The following FOLH1 variants were observed in gnomAD, a reference collection of about 807,000 sequenced individuals.
The protein encoded by FOLH1 is folate hydrolase 1.
FOLH1 carries 54 observed loss-of-function variants against 93.9 expected under a neutral mutation model. The ratio of observed to expected loss-of-function variants is 0.57; its 90% CI spans 0.46 to 0.72. The LOEUF (loss-of-function observed/expected upper bound fraction) is 0.72. Among genes scored for constraint, FOLH1 ranks in the 30% least tolerant of loss-of-function variants. The pLI is 0.00. For missense variants in FOLH1, 571 were observed against 892.5 expected, an observed-to-expected ratio of 0.64 and a Z score of 4.59; for synonymous variants, 249 against 303.6, an observed-to-expected ratio of 0.82 and a Z score of 1.87.
At chr11:49,160,981 C>A (rs551280823) in intron 13 of FOLH1, among the ~76,000 whole-genome samples, 1 of 152,104 alleles carries the variant, frequency 6.6e-6, no homozygotes, top group East Asian at 1.9e-4. Context: ...TGAATTTGCA[C>A]GGCAGTACAA....
intron 17 of FOLH1, among the ~76,000 whole-genome samples, chr11:49,151,677 T>C (rs1346344216): frequency 6.6e-6 from 1 of 152,140 alleles, no homozygotes; most frequent in Non-Finnish European, 1.5e-5. Flanking sequence ...ATCTTTACTA[T>C]CACTTACAGA....
Position 49,208,385 on chromosome 11 carries a change from C to G in FOLH1, c.25G>C (p.Asp9His). The stretch of plus-strand genomic sequence containing the variant: ...CGGCGCGCGGTGGCCACAGCCGAGT[C>G]GGTTTCGTGAAGGAGATTCCACATC... MWNLLHET[D>H]SAVATARRPR... is the part of the protein sequence containing the mutation. The change falls in exon 1 of 19, where the codon GAC (aspartate) becomes CAC (histidine). Residue 9 changes from aspartate to histidine, a missense_variant. Physicochemically the swap from Asp to His is moderately conservative, Grantham distance 81. Around this residue, in one of 2 missense-constraint regions of FOLH1, gnomAD observed 71 missense variants for 69.6 expected, o/e 1.02. Transcript: ENST00000256999. 1 of 1,603,390 alleles carries G rather than the reference C, an allele frequency of 6.2e-7. No homozygotes were observed. Among genetic ancestry groups the G allele is most frequent in the South Asian group, 1.1e-5 (1 of 90,048 alleles).
rs541137826 is a variant in FOLH1 at position 49,173,570 on chromosome 11, C to T, written c.1106-94G>A. The T allele has an allele frequency of 2.1e-4, 178 of 837,012 alleles. 2 individuals carry two copies. In the African/African-American group the frequency reaches 4.3e-3, roughly 20 times the overall value. 51.8% of individuals were successfully genotyped at this position (837,012 alleles called of 1,614,324 possible). A position where few individuals can be genotyped will look rare whatever the true frequency, so the allele number is the denominator to read the frequency against. On this transcript the variant is annotated intron_variant, in intron 9 of 18. Transcript: ENST00000256999. ...ATAGCATCTAAATACAAAGCACTCACGCCTCAGAAAAAAAAAAAAGGCTAG... is the reference window on the plus strand; with the variant it reads ...ATAGCATCTAAATACAAAGCACTCATGCCTCAGAAAAAAAAAAAAGGCTAG...
chr11:49,171,418 A>C (rs1859268178), intron 10 of FOLH1, 141 bp from the exon 11 acceptor site: 2 of 1,190,938 alleles, frequency 1.7e-6, no homozygotes, highest in Non-Finnish European at 2.3e-6. Context: ...ATCTTTACTT[A>C]CGTAACTTTT....
intron 7 of FOLH1, among the ~76,000 whole-genome samples, chr11:49,180,116 C>G (rs595234): frequency 0.37 from 56,718 of 151,950 alleles, 12,085 homozygotes; most frequent in African/African-American, 0.59. Flanking sequence ...CATCAGACAT[C>G]AATTTGGGCC....
At chr11:49,198,932 T>A (rs1184432277) in intron 3 of FOLH1, among the ~76,000 whole-genome samples, 3 of 152,214 alleles carry the variant, frequency 2.0e-5, no homozygotes, top group African/African-American at 7.2e-5. Context: ...TTTTTAAAGT[T>A]ATATTGTTAA....
At chr11:49,151,941 A>G (rs1590408270) in intron 17 of FOLH1, among the ~76,000 whole-genome samples, 1 of 152,176 alleles carries the variant, frequency 6.6e-6, no homozygotes, top group Admixed American at 6.5e-5. Flanking sequence ...TAGGAAAACA[A>G]TTCTTCCAAT....
chr11:49,186,505 C>T (rs989911523), intron 5 of FOLH1, 139 bp downstream of exon 5: 2 of 1,021,818 alleles, frequency 2.0e-6, no homozygotes, highest in Non-Finnish European at 2.8e-6. Flanking sequence ...AATGTGTCCT[C>T]TCTGTAAGGT....
rs1855824279 is a variant in FOLH1 at position 49,146,882 on chromosome 11, A to G, written c.2127T>C (p.Tyr709=). 6.2e-7 allele frequency: 1 copy of G among 1,613,442 alleles called. No homozygotes were observed. Among genetic ancestry groups the G allele is most frequent in the South Asian group, 1.1e-5 (1 of 91,070 alleles). The change falls in exon 19 of 19, where the codon TAT becomes TAC. Residue 709 remains tyrosine (Y), a synonymous_variant. Transcript: ENST00000256999. The stretch of plus-strand genomic sequence containing the variant: ...TGCTTTCAATATCAAACAGAGCATC[A>G]TAAATTCCTGGGAATGACTCCCCTG... The part of the protein sequence containing the change: ...KYAGESFPGI[Y]DALFDIESKV...
chr11:49,165,987 C>G (rs1858348928), intron 12 of FOLH1, among the ~76,000 whole-genome samples: 1 of 152,108 alleles, frequency 6.6e-6, no homozygotes, highest in Non-Finnish European at 1.5e-5. Flanking sequence ...TTGTAGCTCT[C>G]TACCCTCTCC....
intron 17 of FOLH1, among the ~76,000 whole-genome samples, chr11:49,149,020 T>C (rs1014610016): frequency 2.6e-5 from 4 of 151,986 alleles, no homozygotes; most frequent in African/African-American, 4.8e-5. Flanking sequence ...CATGTTGGTG[T>C]GCTGCACCCG....
Position 49,175,983 on chromosome 11 carries a change from A to G in FOLH1, c.921-26T>C, listed in dbSNP as rs771911299. 1.6e-5 allele frequency: 25 copies of G among 1,605,394 alleles called. No homozygotes were observed. The Admixed American group carries it at 3.2e-4, about 21-fold the overall frequency. On this transcript the variant is annotated intron_variant, in intron 7 of 18. Coordinates refer to ENST00000256999, the MANE Select transcript of FOLH1 (RefSeq NM_004476.3). ...CTATTGGACACAAAAAAACATTATT[A>G]GCCACAAAAAAACCTTGAAGTAACG... is the stretch of plus-strand genomic sequence containing the variant.
At chr11:49,178,398 T>G (rs1860352316) in intron 7 of FOLH1, among the ~76,000 whole-genome samples, 1 of 152,248 alleles carries the variant, frequency 6.6e-6, no homozygotes, top group Non-Finnish European at 1.5e-5. Flanking sequence ...TTGTGAACTT[T>G]GTAAATGTAT....
At chr11:49,191,496 TAA>T (rs781477424) in intron 4 of FOLH1, among the ~76,000 whole-genome samples, 1 of 152,212 alleles carries the variant, frequency 6.6e-6, no homozygotes, top group Non-Finnish European at 1.5e-5. Flanking sequence ...TGGAAGATTT[TAA>T]GTCTATTTGA....
At chr11:49,159,744 G>GA (rs1857461397) in intron 13 of FOLH1, among the ~76,000 whole-genome samples, 1 of 152,112 alleles carries the variant, frequency 6.6e-6, no homozygotes, top group Admixed American at 6.5e-5. Context: ...ATTAAGCTGT[G>GA]AATCCATTTG....
Position 49,175,969 on chromosome 11 carries a change from A to C in FOLH1, c.921-12T>G. Reference sequence around the variant, plus strand: ...AGCCACCCATTTTTCTATTGGACACAAAAAAACATTATTAGCCACAAAAAA... The same window carrying C: ...AGCCACCCATTTTTCTATTGGACACCAAAAAACATTATTAGCCACAAAAAA... On this transcript the variant is annotated splice_polypyrimidine_tract_variant and intron_variant, in intron 7 of 18. Coordinates refer to ENST00000256999, the MANE Select transcript of FOLH1 (RefSeq NM_004476.3). 1 of 1,608,454 alleles carries C rather than the reference A, an allele frequency of 6.2e-7. No homozygotes were observed. The highest frequency in any genetic ancestry group is 8.5e-7 in the Non-Finnish European group (1 of 1,178,022).
chr11:49,149,038 A>G (rs532551207), intron 17 of FOLH1, among the ~76,000 whole-genome samples: 7 of 151,674 alleles, frequency 4.6e-5, no homozygotes, highest in African/African-American at 1.4e-4. Flanking sequence ...CCGTTATCTC[A>G]CTCATAGGTG....
intron 15 of FOLH1, among the ~76,000 whole-genome samples, chr11:49,155,321 A>G (rs1349910094): frequency 6.6e-6 from 1 of 151,970 alleles, no homozygotes; most frequent in Non-Finnish European, 1.5e-5. Flanking sequence ...TATCCTCACT[A>G]TCACCTCCTG....
chr11:49,200,023 A>C (rs1205220583), intron 3 of FOLH1, among the ~76,000 whole-genome samples: 1 of 152,216 alleles, frequency 6.6e-6, no homozygotes, highest in African/African-American at 2.4e-5. Flanking sequence ...AAACTAAAAA[A>C]CAGCAGCTGT....
Sources: allele counts gnomAD v4.1 joint callset (sites outside exome capture counted in the v4.1 genomes callset), GRCh38; gene constraint gnomAD v4.1.1; regional missense constraint gnomAD v4.1.1; transcripts MANE v1.5; gene names NCBI Gene and HGNC (gene_info 2026-07-23, HGNC 2026-07-21).